The following RBFOX1 variants were observed in gnomAD, a reference collection of about 807,000 sequenced individuals.
RBFOX1 encodes the protein RNA binding protein fox-1 homolog 1.
In RBFOX1, 8 loss-of-function variants were observed where a neutral mutation model predicts 57.7. The ratio of observed to expected loss-of-function variants is 0.14; its 90% CI spans 0.08 to 0.25. RBFOX1 has a LOEUF of 0.25. Ranked by LOEUF, RBFOX1 falls within the 10% of genes least tolerant of loss-of-function variation. The probability of loss-of-function intolerance (pLI) is 1.00; values close to 1 mark genes in which losing one functional copy is unlikely to be tolerated. For synonymous variants in RBFOX1, 326 were observed against 222.4 expected, an observed-to-expected ratio of 1.47 and a Z score of -4.15; for missense variants, 611 against 548.5, an observed-to-expected ratio of 1.11 and a Z score of -1.14.
chr16:7,271,417 C>CT (rs2095315465), intron 4 of RBFOX1, among the ~76,000 whole-genome samples: 1 of 151,910 alleles, frequency 6.6e-6, no homozygotes, highest in Non-Finnish European at 1.5e-5. Flanking sequence ...AAAAATGATC[C>CT]TTTAAAGTTT....
intron 1 of RBFOX1, among the ~76,000 whole-genome samples, chr16:5,413,453 A>G (rs2067079014): frequency 6.6e-6 from 1 of 152,238 alleles, no homozygotes; most frequent in African/African-American, 2.4e-5. Flanking sequence ...AATAATTAAA[A>G]TACAATAAAA....
At chr16:6,193,917 C>T (rs765227395) in intron 1 of RBFOX1, among the ~76,000 whole-genome samples, 3 of 152,104 alleles carry the variant, frequency 2.0e-5, no homozygotes, top group South Asian at 4.1e-4. Context: ...CACACCTAAG[C>T]GAAGTTGCTC....
chr16:7,289,450 A>G (rs996342316), intron 4 of RBFOX1, among the ~76,000 whole-genome samples: 3 of 152,174 alleles, frequency 2.0e-5, no homozygotes, highest in Non-Finnish European at 2.9e-5. Flanking sequence ...TACCATCATC[A>G]TCAGCAAGAG....
intron 4 of RBFOX1, among the ~76,000 whole-genome samples, chr16:7,211,391 C>CAAA (rs57333413): frequency 0.037 from 3,144 of 83,874 alleles, 262 homozygotes; most frequent in African/African-American, 0.14. Context: ...GACTGCCTCT[C>CAAA]AAAAAAAAAA....
chr16:7,439,236 C>A (rs1397667318), intron 4 of RBFOX1, among the ~76,000 whole-genome samples: 1 of 152,168 alleles, frequency 6.6e-6, no homozygotes, highest in African/African-American at 2.4e-5. Context: ...AGCAAAACAT[C>A]TGAATCATAT....
intron 2 of RBFOX1, among the ~76,000 whole-genome samples, chr16:5,530,933 TAAAAAAAAAAAAAAAAA>T (rs59311923): frequency 4.2e-3 from 230 of 55,024 alleles, no homozygotes; most frequent in Middle Eastern, 0.016. Context: ...ACTAAAAATA[TAAAAAAAAAAAAAAAAA>T]AAAAAAAAAA....
chr16:6,926,060 C>G (rs1167536463), intron 3 of RBFOX1, among the ~76,000 whole-genome samples: 1 of 152,042 alleles, frequency 6.6e-6, no homozygotes, highest in African/African-American at 2.4e-5. Context: ...AGTCCCAGCA[C>G]TTTGGGAGGC....
chr16:6,709,111 A>T (rs1448577615), intron 3 of RBFOX1, among the ~76,000 whole-genome samples: 1 of 152,184 alleles, frequency 6.6e-6, no homozygotes, highest in Non-Finnish European at 1.5e-5. Context: ...AGCTTATGTC[A>T]TATAAATGTA....
At chr16:5,784,170 C>T (rs1183801072) in intron 3 of RBFOX1, among the ~76,000 whole-genome samples, 2 of 152,044 alleles carry the variant, frequency 1.3e-5, no homozygotes, top group African/African-American at 4.8e-5. Context: ...GCCTATAATC[C>T]CAGCACTTTG....
intron 1 of RBFOX1, chr16:5,270,880 C>T (rs1000870705): frequency 1.7e-5 from 7 of 410,486 alleles, no homozygotes; most frequent in Non-Finnish European, 2.8e-5. Context: ...TTCTGGAAAA[C>T]CCACTAGGGA....
intron 1 of RBFOX1, among the ~76,000 whole-genome samples, chr16:5,305,052 G>A (rs928594246): frequency 1.3e-5 from 2 of 152,138 alleles, no homozygotes; most frequent in African/African-American, 4.8e-5. Context: ...CCTGCAGCTT[G>A]TGTGATGTAG....
intron 1 of RBFOX1, among the ~76,000 whole-genome samples, chr16:5,395,395 G>T (rs928116697): frequency 6.6e-6 from 1 of 152,208 alleles, no homozygotes; most frequent in Admixed American, 6.5e-5. Context: ...TCCTAGAGAG[G>T]CCAGTGATGG....
At chr16:5,999,949 A>G (rs960316032) in intron 4 of RBFOX1, among the ~76,000 whole-genome samples, 1 of 148,010 alleles carries the variant, frequency 6.8e-6, no homozygotes, top group Non-Finnish European at 1.5e-5. Context: ...AAGCAAGCAT[A>G]TATAAGGTGG....
chr16:7,177,603 C>T (rs1013369242), intron 4 of RBFOX1, among the ~76,000 whole-genome samples: 3 of 152,112 alleles, frequency 2.0e-5, no homozygotes, highest in South Asian at 4.1e-4. Context: ...GAACAGGTTG[C>T]TTGCTGTGAC....
intron 3 of RBFOX1, among the ~76,000 whole-genome samples, chr16:5,845,563 CG>C (rs2056735594): frequency 6.6e-6 from 1 of 152,178 alleles, no homozygotes; most frequent in Non-Finnish European, 1.5e-5. Context: ...GTTGATGACC[CG>C]GGGCAGGTGG....
chr16:7,571,492 G>A (rs908103278), intron 5 of RBFOX1, among the ~76,000 whole-genome samples: 5 of 152,326 alleles, frequency 3.3e-5, no homozygotes, highest in African/African-American at 4.8e-5. Context: ...AGGGAGCCCC[G>A]TGGTTCTTTA....
intron 4 of RBFOX1, among the ~76,000 whole-genome samples, chr16:5,906,253 G>A (rs1411591471): frequency 2.6e-5 from 4 of 152,164 alleles, no homozygotes; most frequent in East Asian, 1.9e-4. Context: ...GAGGTCATCC[G>A]GGAGTAGGGT....
intron 1 of RBFOX1, among the ~76,000 whole-genome samples, chr16:5,332,115 C>G (rs972109142): frequency 6.6e-6 from 1 of 152,210 alleles, no homozygotes; most frequent in African/African-American, 2.4e-5. Flanking sequence ...GTCTTAGACT[C>G]TGGCAAATCT....
chr16:7,650,446 G>A (rs2064795269), intron 11 of RBFOX1, among the ~76,000 whole-genome samples: 1 of 151,944 alleles, frequency 6.6e-6, no homozygotes, highest in Admixed American at 6.6e-5. Context: ...GCTTGGGAGA[G>A]CCCAAAGAAC....
Sources: gnomAD v4.1 joint callset for allele counts (sites outside exome capture counted in the v4.1 genomes callset) on GRCh38, gnomAD v4.1.1 for gene constraint, MANE v1.5 for transcripts, NCBI Gene and HGNC (gene_info 2026-07-23, HGNC 2026-07-21) for gene names.